ALPK1: variants seen among roughly 807,000 people sequenced by gnomAD.
ALPK1 encodes the protein alpha kinase 1.
ALPK1 carries 110 observed loss-of-function variants against 120.6 expected under a neutral mutation model. The ratio of observed to expected loss-of-function variants is 0.91; its 90% CI spans 0.78 to 1.07. The LOEUF (loss-of-function observed/expected upper bound fraction) is 1.07. Among genes scored for constraint, ALPK1 ranks in the 50% least tolerant of loss-of-function variants. The pLI, the probability that ALPK1 is intolerant of heterozygous loss-of-function variation, is 0.00. For synonymous variants in ALPK1, 582 were observed against 560.3 expected (o/e 1.04, Z -0.55); for missense variants, 1,498 against 1,483.9 (o/e 1.01, Z -0.16).
Position 112,431,300 on chromosome 4 carries a change from A to C in ALPK1, c.1753A>C (p.Asn585His). Residue 585 changes from asparagine (N) to histidine (H), a missense_variant, in exon 11 of 16, where the codon AAC becomes CAC. By Grantham distance (68) the Asn-to-His change is moderately conservative. Transcript: ENST00000650871. ...CAGCCAGACTTCCAGTGCTTGGAGC[A>C]ACTTATCAGGGTTTAGTTCCTCTGC... ...SGSQTSSAWSNLSGFSSSASW... is the reference protein window; with the variant it reads ...SGSQTSSAWSHLSGFSSSASW... 6.2e-7 allele frequency: 1 copy of C among 1,614,192 alleles called. No individual in the cohort carries two copies. Among genetic ancestry groups the C allele is most frequent in the Non-Finnish European group, 8.5e-7 (1 of 1,180,028 alleles).
At chr4:112,327,580 C>A (rs999186914) in intron 2 of ALPK1, among the ~76,000 whole-genome samples, 10 of 152,046 alleles carry the variant, frequency 6.6e-5, no homozygotes, top group African/African-American at 2.2e-4. Context: ...GGACTACAGG[C>A]GTGCACAACC....
intron 2 of ALPK1, among the ~76,000 whole-genome samples, chr4:112,324,215 T>C (rs556620779): frequency 6.6e-6 from 1 of 151,660 alleles, no homozygotes; most frequent in Non-Finnish European, 1.5e-5. Flanking sequence ...TAGTCCCAGC[T>C]ACTGGGGAGG....
In ALPK1 at chr4:112,323,102, T is replaced by A. The variant is rs1193323537; in HGVS notation, c.-101+7250T>A. Among the ~76,000 whole-genome samples, 8 of 152,180 alleles carry A rather than the reference T, an allele frequency of 5.3e-5. No homozygotes were observed. The South Asian group carries it at 1.0e-3, about 20-fold the overall frequency. Reference sequence around the variant, plus strand: ...TTGCTGTGCCCCACATCTCACCACATCTGTCTGATGTGCATCTCTTCACAC... The same window carrying A: ...TTGCTGTGCCCCACATCTCACCACAACTGTCTGATGTGCATCTCTTCACAC... On this transcript the variant is annotated intron_variant, in intron 2 of 15. Coordinates refer to ENST00000650871, the MANE Select transcript of ALPK1 (RefSeq NM_025144.4).
chr4:112,412,373 A>C (rs1469334568), intron 5 of ALPK1: 3 of 489,894 alleles, frequency 6.1e-6, no homozygotes, highest in Non-Finnish European at 1.2e-5. Flanking sequence ...AAAGCAGATT[A>C]GAATTCTACT....
intron 4 of ALPK1, 73 bp downstream of exon 4, chr4:112,382,625 A>G (rs1578520460): frequency 6.2e-7 from 1 of 1,603,992 alleles, no homozygotes; most frequent in Admixed American, 1.7e-5. Context: ...GGTCTAATAG[A>G]TTAAATTTCT....
At chr4:112,389,047 C>CTTT (rs36062437) in intron 4 of ALPK1, among the ~76,000 whole-genome samples, 1 of 138,036 alleles carries the variant, frequency 7.2e-6, no homozygotes. Context: ...GCCATGCTGG[C>CTTT]TTTTTTTTTT....
At chr4:112,389,346 T>G (rs903054504) in intron 4 of ALPK1, among the ~76,000 whole-genome samples, 1 of 152,186 alleles carries the variant, frequency 6.6e-6, no homozygotes, top group Non-Finnish European at 1.5e-5. Flanking sequence ...GCCTGGCCTG[T>G]GCTGGCTTTT....
intron 2 of ALPK1, among the ~76,000 whole-genome samples, chr4:112,324,025 T>G (rs1283824642): frequency 6.6e-6 from 1 of 152,166 alleles, no homozygotes; most frequent in African/African-American, 2.4e-5. Flanking sequence ...AGCCCACTGC[T>G]TTTATAAAAA....
At chr4:112,359,389 C>T (rs1578498359) in intron 2 of ALPK1, 5 of 339,090 alleles carry the variant, frequency 1.5e-5, no homozygotes, top group Non-Finnish European at 2.8e-5. Context: ...CTACTGGCTG[C>T]CCTGACCACT....
At chr4:112,307,121 T>C (rs1032460089) in intron 1 of ALPK1, among the ~76,000 whole-genome samples, 2 of 152,132 alleles carry the variant, frequency 1.3e-5, no homozygotes, top group Non-Finnish European at 2.9e-5. Flanking sequence ...AGAGACAGTT[T>C]GTTATAATTT....
At chr4:112,414,608 C>CA (rs397975906) in intron 5 of ALPK1, 56,563 of 146,644 alleles carry the variant, frequency 0.39, 11,209 homozygotes, top group East Asian at 0.6. Flanking sequence ...GACTTCGTCT[C>CA]AAAAAAAAAA....
chr4:112,303,808 G>T (rs559671972), intron 1 of ALPK1, among the ~76,000 whole-genome samples: 1 of 151,836 alleles, frequency 6.6e-6, no homozygotes, highest in South Asian at 2.1e-4. Flanking sequence ...ATGCAGGTTT[G>T]TTATATATGT....
At chr4:112,357,702 G>A (rs936621937) in intron 2 of ALPK1, 18 of 1,568,306 alleles carry the variant, frequency 1.1e-5, no homozygotes, top group East Asian at 4.5e-5. Context: ...TGAGCTCCGC[G>A]TTTGACAGAC....
At chr4:112,355,112 CAT>C (rs900665093) in intron 2 of ALPK1, among the ~76,000 whole-genome samples, 15 of 152,154 alleles carry the variant, frequency 9.9e-5, no homozygotes, top group Non-Finnish European at 1.9e-4. Context: ...GTCTTGTGCA[CAT>C]GTTAGAATTA....
chr4:112,382,700 A>G, intron 4 of ALPK1, 148 bp downstream of exon 4: 1 of 1,138,662 alleles, frequency 8.8e-7, no homozygotes, highest in Non-Finnish European at 1.3e-6. Flanking sequence ...TGTGAGGGAA[A>G]TAGCTGTTTG....
At chr4:112,376,488 C>T (rs1731668504) in intron 2 of ALPK1, among the ~76,000 whole-genome samples, 1 of 152,146 alleles carries the variant, frequency 6.6e-6, no homozygotes, top group Non-Finnish European at 1.5e-5. Flanking sequence ...TTAGATTACA[C>T]AGTTAGCTCA....
intron 4 of ALPK1, among the ~76,000 whole-genome samples, chr4:112,387,108 C>T (rs955358299): frequency 1.5e-4 from 23 of 152,126 alleles, no homozygotes; most frequent in Admixed American, 9.8e-4. Context: ...TGGGCCATGG[C>T]GGTGGAGTGC....
chr4:112,319,995 A>G (rs1455005429), intron 2 of ALPK1, among the ~76,000 whole-genome samples: 1 of 152,212 alleles, frequency 6.6e-6, no homozygotes, highest in Non-Finnish European at 1.5e-5. Flanking sequence ...GCAAACAGTC[A>G]CAGTTTGACT....
rs113746482 is a variant in ALPK1 at position 112,336,014 on chromosome 4, C to T, written c.-101+20162C>T. Among the ~76,000 whole-genome samples the T allele has an allele frequency of 2.7e-3, 408 of 152,260 alleles. 3 individuals are homozygous for T. Among genetic ancestry groups the T allele is most frequent in the African/African-American group, 9.2e-3 (381 of 41,546 alleles). ...AATGAACGTAAAACCAACCAACCAACCAACCAACCAATCCATGCCCTTGGC... is the reference window on the plus strand; with the variant it reads ...AATGAACGTAAAACCAACCAACCAATCAACCAACCAATCCATGCCCTTGGC... On this transcript the variant is annotated intron_variant, in intron 2 of 15. Coordinates refer to ENST00000650871, the MANE Select transcript of ALPK1 (RefSeq NM_025144.4).
Sources: allele counts gnomAD v4.1 joint callset (sites outside exome capture counted in the v4.1 genomes callset), GRCh38; gene constraint gnomAD v4.1.1; transcripts MANE v1.5; gene names NCBI Gene and HGNC (gene_info 2026-07-23, HGNC 2026-07-21).